Variants in TNN observed in about 807,000 individuals in gnomAD.
TNN encodes the protein tenascin-N.
In TNN, 122 loss-of-function variants were observed where a neutral mutation model predicts 134.4. The observed-to-expected ratio is 0.91, with a 90% confidence interval of 0.78 to 1.06. The LOEUF (loss-of-function observed/expected upper bound fraction) is 1.06. Among genes scored for constraint, TNN ranks in the 50% least tolerant of loss-of-function variants. The pLI, the probability that TNN is intolerant of heterozygous loss-of-function variation, is 0.00. For missense variants in TNN, 1,739 were observed against 1,699.4 expected, an observed-to-expected ratio of 1.02 and a Z score of -0.41; for synonymous variants, 710 against 670.3, an observed-to-expected ratio of 1.06 and a Z score of -0.91.
chr1:175,144,394 TCTTA>T lies in TNN; in HGVS notation c.3609_3612del (p.Tyr1204ThrfsTer22). 6.2e-7 allele frequency: 1 copy of T among 1,614,048 alleles called. No individual in the cohort carries two copies. Among genetic ancestry groups the T allele is most frequent in the African/African-American group, 1.3e-5 (1 of 75,058 alleles). On this transcript the variant is annotated frameshift_variant, in exon 18 of 19. Transcript: ENST00000239462. LOFTEE classifies it high-confidence loss of function. ...GTCTCTTCTCTCCTGCAGGGGATGC[TCTTA>T]CTTACCACAATGGATGGAAGTTTAC...
chr1:175,068,072 C>T, intron 1 of TNN, 137 bp downstream of exon 1: 1 of 393,530 alleles, frequency 2.5e-6, no homozygotes, highest in Non-Finnish European at 5.1e-6. Context: ...CTCCTATCAC[C>T]TCCATGAAGA....
At chr1:175,126,263 G>T (rs537804280) in intron 12 of TNN, among the ~76,000 whole-genome samples, 4 of 151,592 alleles carry the variant, frequency 2.6e-5, no homozygotes, top group South Asian at 2.1e-4. Flanking sequence ...CACCATACCC[G>T]GCTAATTTTT....
At chr1:175,111,893 G>T (rs1675037536) in intron 9 of TNN, among the ~76,000 whole-genome samples, 1 of 151,862 alleles carries the variant, frequency 6.6e-6, no homozygotes, top group African/African-American at 2.4e-5. Flanking sequence ...TGTCTTGGTG[G>T]AGCTTGTTAG....
At position 175,094,040 on chromosome 1, in the gene TNN, G is replaced by A. The variant is rs143661378; in HGVS notation, c.1375G>A (p.Ala459Thr). The A allele has an allele frequency of 4.0e-5, 65 of 1,612,914 alleles. No individual in the cohort carries two copies. The highest frequency in any genetic ancestry group is 2.5e-4 in the East Asian group (11 of 44,860). ...VVTDRVTEDTATVSWDPVQAV... is the reference protein window; with the variant it reads ...VVTDRVTEDTTTVSWDPVQAV... ...CACTGATCGAGTGACTGAAGACACA[G>A]CAACTGTCTCCTGGGACCCAGTGCA... Residue 459 changes from alanine to threonine, a missense_variant, in exon 7 of 19, where the codon GCA becomes ACA. By Grantham distance (58) the Ala-to-Thr change is moderately conservative. Transcript: ENST00000239462.
intron 9 of TNN, among the ~76,000 whole-genome samples, chr1:175,104,275 A>G (rs545183829): frequency 6.9e-6 from 1 of 145,268 alleles, no homozygotes; most frequent in South Asian, 2.3e-4. Context: ...GGCCCTCAAT[A>G]GTTAAACATA....
intron 17 of TNN, among the ~76,000 whole-genome samples, chr1:175,137,467 T>C (rs912459770): frequency 8.6e-5 from 13 of 151,974 alleles, no homozygotes; most frequent in Non-Finnish European, 1.9e-4. Context: ...ATAAGAAGTA[T>C]AGGTCTCATT....
intron 6 of TNN, among the ~76,000 whole-genome samples, chr1:175,088,901 T>C (rs962267637): frequency 6.6e-6 from 1 of 152,244 alleles, no homozygotes; most frequent in African/African-American, 2.4e-5. Flanking sequence ...TATGACCGCA[T>C]TAAATGTCAG....
intron 10 of TNN, 33 bp downstream of exon 10, chr1:175,117,238 C>A (rs752185881): frequency 6.9e-6 from 11 of 1,604,602 alleles, no homozygotes; most frequent in Admixed American, 3.6e-5. Context: ...AATATAAGAG[C>A]TTTCATGCTA....
chr1:175,090,731 C>A (rs1313774614), intron 6 of TNN, among the ~76,000 whole-genome samples: 7 of 152,202 alleles, frequency 4.6e-5, no homozygotes, highest in Non-Finnish European at 1.0e-4. Context: ...CCTCCATATA[C>A]TGTGTTCAGG....
intron 6 of TNN, among the ~76,000 whole-genome samples, chr1:175,088,398 CAT>C (rs919046185): frequency 4.6e-5 from 7 of 152,186 alleles, no homozygotes; most frequent in African/African-American, 1.7e-4. Context: ...CAAAACCAAA[CAT>C]GTGTTTCTTG....
At chr1:175,131,892 T>C (rs1407068192) in intron 15 of TNN, among the ~76,000 whole-genome samples, 1 of 146,058 alleles carries the variant, frequency 6.8e-6, no homozygotes, top group Non-Finnish European at 1.5e-5. Flanking sequence ...TTTTGGAAGC[T>C]TCCCTGGCCC....
In TNN at chr1:175,083,894, T is replaced by G. The variant is rs1475000410; in HGVS notation, c.1193T>G (p.Val398Gly). 2 of 1,614,042 alleles carry G rather than the reference T, an allele frequency of 1.2e-6. No individual in the cohort carries two copies. Among genetic ancestry groups the G allele is most frequent in the East Asian group, 2.2e-5 (1 of 44,878 alleles). ...MTGQEVAEVT[V>G]PKSSDPKSRY... is the part of the protein sequence containing the mutation. ...GGACAGGAGGTAGCTGAGGTCACTG[T>G]GCCCAAGAGCAGTGACCCCAAGAGC... The change falls in exon 5 of 19, where the codon GTG becomes GGG. Residue 398 changes from valine (V) to glycine (G), a missense_variant. Physicochemically the swap from Val to Gly is moderately radical, Grantham distance 109 (BLOSUM62 -3). Transcript: ENST00000239462.
At chr1:175,139,867 C>T (rs1675904317) in intron 17 of TNN, among the ~76,000 whole-genome samples, 1 of 152,198 alleles carries the variant, frequency 6.6e-6, no homozygotes, top group South Asian at 2.1e-4. Context: ...TTATTGTGAT[C>T]TTATGAGACC....
At chr1:175,071,192 G>C (rs1319155503) in intron 1 of TNN, among the ~76,000 whole-genome samples, 1 of 152,200 alleles carries the variant, frequency 6.6e-6, no homozygotes, top group Non-Finnish European at 1.5e-5. Context: ...AGAAAGCCCT[G>C]AATTTAAGTA....
Position 175,079,611 on chromosome 1 carries a change from G to T in TNN, c.688G>T (p.Glu230Ter), listed in dbSNP as rs764490910. 2 of 1,599,816 alleles carry T rather than the reference G, an allele frequency of 1.3e-6. No individual in the cohort carries two copies. The highest frequency in any genetic ancestry group is 8.5e-7 in the Non-Finnish European group (1 of 1,174,612). Residue 230 changes from glutamate (E) to a stop codon, truncating the protein, a stop_gained, in exon 3 of 19, where the codon GAG (glutamate) becomes TAG (stop). Coordinates refer to ENST00000239462, the MANE Select transcript of TNN (RefSeq NM_022093.2). LOFTEE classifies it high-confidence loss of function. ...HEDFMSEDCS[E>*]KRCPGDCSGH... Reference sequence around the variant, plus strand: ...AGACTTCATGTCGGAGGACTGCAGCGAGAAGCGCTGTCCCGGCGACTGCAG... The same window carrying T: ...AGACTTCATGTCGGAGGACTGCAGCTAGAAGCGCTGTCCCGGCGACTGCAG...
Position 175,147,155 on chromosome 1 carries a change from G to T in TNN, c.*84G>T. The T allele has an allele frequency of 7.7e-7, 1 of 1,301,040 alleles. No homozygotes were observed. Among genetic ancestry groups the T allele is most frequent in the Non-Finnish European group, 1.0e-6 (1 of 988,774 alleles). 80.6% of individuals were successfully genotyped at this position (1,301,040 alleles called of 1,614,324 possible). ...GTGGGTAGTGGTCACTGCGGTCTGG[G>T]AGTGCTCAGATAGCCCGCAGAACAA... On this transcript the variant is annotated 3_prime_UTR_variant, in exon 19 of 19. Transcript: ENST00000239462.
At chr1:175,112,867 C>T (rs1463195596) in intron 9 of TNN, among the ~76,000 whole-genome samples, 11 of 151,868 alleles carry the variant, frequency 7.2e-5, no homozygotes, top group Admixed American at 7.2e-4. Flanking sequence ...AAGTGATCTG[C>T]CTGCCTCGAC....
In TNN at chr1:175,128,636, C is replaced by A. The variant is rs1441118128; in HGVS notation, c.3220C>A (p.Gln1074Lys). Residue 1074 changes from glutamine to lysine, a missense_variant, in exon 15 of 19, where the codon CAG becomes AAG. Transcript: ENST00000239462. ...ACACCCTTCGGACTGCAGTCAGGTT[C>A]AGCAGAACAGCAATGCCGCCAGTGG... ...FPHPSDCSQVQQNSNAASGLY... is the reference protein window; with the variant it reads ...FPHPSDCSQVKQNSNAASGLY... 1.9e-5 allele frequency: 31 copies of A among 1,613,954 alleles called. No individual in the cohort carries two copies. Among genetic ancestry groups the A allele is most frequent in the Non-Finnish European group, 2.5e-5 (30 of 1,179,914 alleles).
At chr1:175,139,711 C>T (rs1322329515) in intron 17 of TNN, among the ~76,000 whole-genome samples, 1 of 152,134 alleles carries the variant, frequency 6.6e-6, no homozygotes, top group East Asian at 1.9e-4. Context: ...TTATCATTAT[C>T]AAGTATTATT....
Sources: gnomAD v4.1 joint callset for allele counts (sites outside exome capture counted in the v4.1 genomes callset) on GRCh38, gnomAD v4.1.1 for gene constraint, MANE v1.5 for transcripts, NCBI Gene and HGNC (gene_info 2026-07-23, HGNC 2026-07-21) for gene names.